The following SLC4A5 variants were observed in gnomAD, a reference collection of about 807,000 sequenced individuals.
SLC4A5 encodes solute carrier family 4 member 5.
A neutral mutation model predicts 120.4 loss-of-function variants in SLC4A5; 96 were observed. The ratio of observed to expected loss-of-function variants is 0.80; its 90% confidence interval spans 0.68 to 0.94. The LOEUF is 0.94. Ranked by LOEUF, SLC4A5 falls within the 40% of genes least tolerant of loss-of-function variation. SLC4A5 has a pLI of 0.00. For synonymous variants in SLC4A5, 550 were observed against 571.1 expected, an observed-to-expected ratio of 0.96 and a Z score of 0.53; for missense variants, 1,259 against 1,459.5, an observed-to-expected ratio of 0.86 and a Z score of 2.24.
intron 7 of SLC4A5, among the ~76,000 whole-genome samples, chr2:74,296,616 C>CAAAAAAAAAAAA (rs1160532512): frequency 8.4e-5 from 4 of 47,362 alleles, no homozygotes; most frequent in African/African-American, 1.5e-4. Context: ...ACTAAAAATA[C>CAAAAAAAAAAAA]AAAAAAAAAA....
chr2:74,218,753 AG>A (rs1694519144), exon 31 of SLC4A5: 1 of 152,702 alleles, frequency 6.5e-6, no homozygotes, highest in Non-Finnish European at 1.5e-5. Flanking sequence ...AGCTGAAAGC[AG>A]GTGAAGCTGG....
At chr2:74,279,598 C>G (rs563874258) in intron 8 of SLC4A5, among the ~76,000 whole-genome samples, 1 of 152,246 alleles carries the variant, frequency 6.6e-6, no homozygotes, top group Admixed American at 6.5e-5. Flanking sequence ...GCTGATGCCT[C>G]ACAAATTTAT....
At chr2:74,323,687 G>A (rs191556346) in intron 5 of SLC4A5, among the ~76,000 whole-genome samples, 19 of 152,118 alleles carry the variant, frequency 1.2e-4, no homozygotes, top group African/African-American at 4.6e-4. Context: ...GAAATACCAG[G>A]GAAAAATTAA....
chr2:74,252,444 C>T (rs1454037359), intron 15 of SLC4A5, 56 bp from the exon 16 acceptor site: 6 of 1,562,636 alleles, frequency 3.8e-6, no homozygotes, highest in Middle Eastern at 1.7e-4. Flanking sequence ...CCTCACCTCT[C>T]CAACCAAAAT....
intron 22 of SLC4A5, 98 bp downstream of exon 22, chr2:74,235,003 G>T: frequency 1.0e-6 from 1 of 955,808 alleles, no homozygotes; most frequent in Non-Finnish European, 1.6e-6. Context: ...TGGTCTCTTG[G>T]CCAAGAGGAG....
rs1670749893 is a variant in SLC4A5, at chr2:74,250,328, C to T, written c.1653+15G>A. The T allele has an allele frequency of 5.0e-6, 8 of 1,609,874 alleles. No individual in the cohort carries two copies. In the African/African-American group the frequency reaches 5.3e-5, roughly 11 times the overall value. Reference sequence around the variant, plus strand: ...AGATCTTACTTTTACACTCAGGGCACCGGCTCGCACACACCTGATAATTGT... The same window carrying T: ...AGATCTTACTTTTACACTCAGGGCATCGGCTCGCACACACCTGATAATTGT... On this transcript the variant is annotated intron_variant, in intron 17 of 30. Transcript: ENST00000394019.
At chr2:74,231,087 G>A (rs1023929017) in intron 25 of SLC4A5, 149 bp downstream of exon 25, 3 of 639,160 alleles carry the variant, frequency 4.7e-6, no homozygotes, top group Non-Finnish European at 7.8e-6. Context: ...GATTATAGGT[G>A]TGAGCCACCA....
intron 8 of SLC4A5, among the ~76,000 whole-genome samples, chr2:74,268,383 T>C (rs1671369756): frequency 6.6e-6 from 1 of 152,216 alleles, no homozygotes; most frequent in African/African-American, 2.4e-5. Flanking sequence ...TGTACATTAA[T>C]GGCACCACAA....
chr2:74,276,666 A>AT (rs1671649980), intron 8 of SLC4A5, among the ~76,000 whole-genome samples: 1 of 152,224 alleles, frequency 6.6e-6, no homozygotes, highest in Non-Finnish European at 1.5e-5. Flanking sequence ...TTAAGTGTAT[A>AT]TCTTCATTAC....
intron 12 of SLC4A5, among the ~76,000 whole-genome samples, chr2:74,257,906 A>C (rs573793884): frequency 1.1e-4 from 16 of 152,294 alleles, no homozygotes; most frequent in Middle Eastern, 3.4e-3. Flanking sequence ...ACAGAAGATA[A>C]GAGAAATTTA....
chr2:74,224,261 G>A (rs370849413), intron 28 of SLC4A5, among the ~76,000 whole-genome samples: 1 of 152,148 alleles, frequency 6.6e-6, no homozygotes, highest in African/African-American at 2.4e-5. Flanking sequence ...GGGACCATGG[G>A]AGAAGAGGGG....
At chr2:74,247,057 C>T (rs766409139) in exon 19 of SLC4A5, 7 of 1,614,044 alleles carry the variant, frequency 4.3e-6, no homozygotes, top group East Asian at 2.2e-5. Flanking sequence ...GCGACACACT[C>T]GCACTTGTAG....
intron 21 of SLC4A5, among the ~76,000 whole-genome samples, chr2:74,237,009 C>T (rs190338385): frequency 2.1e-5 from 3 of 146,220 alleles, no homozygotes; most frequent in Non-Finnish European, 3.0e-5. Context: ...CAGAGTCTCT[C>T]TCTGTCGCCC....
chr2:74,288,300 T>C (rs1419556244), intron 7 of SLC4A5, among the ~76,000 whole-genome samples: 1 of 152,146 alleles, frequency 6.6e-6, no homozygotes, highest in Non-Finnish European at 1.5e-5. Context: ...CCACTACTTC[T>C]TACTGGTGTC....
chr2:74,310,009 T>C (rs1275878874), intron 6 of SLC4A5, among the ~76,000 whole-genome samples: 1 of 152,200 alleles, frequency 6.6e-6, no homozygotes, highest in Admixed American at 6.5e-5. Flanking sequence ...TCATTACTTT[T>C]ATAGTTTTTC....
chr2:74,309,822 A>T (rs923357323), intron 6 of SLC4A5, among the ~76,000 whole-genome samples: 2 of 145,722 alleles, frequency 1.4e-5, no homozygotes, highest in Non-Finnish European at 3.0e-5. Flanking sequence ...CGCCCGGCTA[A>T]TTTTTTTTTT....
intron 10 of SLC4A5, 70 bp downstream of exon 10, chr2:74,264,077 C>A: frequency 6.5e-7 from 1 of 1,539,374 alleles, no homozygotes; most frequent in Non-Finnish European, 8.7e-7. Context: ...CTAAGGTGGG[C>A]TCACCCGGGT....
intron 8 of SLC4A5, among the ~76,000 whole-genome samples, chr2:74,273,210 A>T (rs925231171): frequency 2.6e-5 from 4 of 152,244 alleles, no homozygotes; most frequent in Admixed American, 2.0e-4. Flanking sequence ...TCTGGAGAAT[A>T]TACATAAACA....
exon 31 of SLC4A5, chr2:74,216,927 T>C (rs924623634): frequency 1.3e-5 from 2 of 152,168 alleles, no homozygotes; most frequent in African/African-American, 4.8e-5. Context: ...TACTTAAGCA[T>C]AGGAGATGGT....
Sources: allele counts gnomAD v4.1 joint callset (sites outside exome capture counted in the v4.1 genomes callset), GRCh38; gene constraint gnomAD v4.1.1; transcripts MANE v1.5; gene names NCBI Gene and HGNC (gene_info 2026-07-23, HGNC 2026-07-21).